COL4A2: variants seen among roughly 807,000 people sequenced by gnomAD.
The protein encoded by COL4A2 is collagen type IV alpha 2 chain, also known as collagen alpha-2(IV) chain.
COL4A2 carries 99 observed loss-of-function variants against 200.2 expected under a neutral mutation model. That is an observed-to-expected ratio of 0.49 (90% CI 0.42 to 0.58). The LOEUF (loss-of-function observed/expected upper bound fraction) is 0.58. Among genes scored for constraint, COL4A2 ranks in the 20% least tolerant of loss-of-function variants. The probability of loss-of-function intolerance (pLI) is 0.00; values close to 1 mark genes in which losing one functional copy is unlikely to be tolerated. For synonymous variants in COL4A2, 897 were observed against 900.6 expected, an observed-to-expected ratio of 1.00 and a Z score of 0.07; for missense variants, 1,950 against 2,314.1, an observed-to-expected ratio of 0.84 and a Z score of 3.23.
chr13:110,418,456 T>C (rs1412208249), intron 4 of COL4A2, among the ~76,000 whole-genome samples: 1 of 152,262 alleles, frequency 6.6e-6, no homozygotes, highest in Non-Finnish European at 1.5e-5. Context: ...GATTTTCCCC[T>C]GTGTTTTCTT....
At chr13:110,432,605 G>A (rs768198716) in intron 11 of COL4A2, among the ~76,000 whole-genome samples, 13 of 152,242 alleles carry the variant, frequency 8.5e-5, no homozygotes, top group Non-Finnish European at 1.6e-4. Flanking sequence ...CCACATGCCT[G>A]TTGGTATATG....
intron 30 of COL4A2, 60 bp from the exon 31 acceptor site, chr13:110,480,160 A>C (rs1053203203): frequency 4.9e-5 from 72 of 1,483,092 alleles, no homozygotes; most frequent in Non-Finnish European, 6.1e-5. Context: ...TAAAAGCAGA[A>C]GAGAAATTTC....
intron 18 of COL4A2, 39 bp from the exon 19 acceptor site, chr13:110,449,640 A>G (rs538713557): frequency 1.3e-6 from 2 of 1,507,462 alleles, no homozygotes; most frequent in Admixed American, 2.5e-5. Flanking sequence ...TCCGTAGACC[A>G]CGGTCTTGTT....
At chr13:110,477,596 G>A (rs1042626128) in intron 29 of COL4A2, among the ~76,000 whole-genome samples, 11 of 152,324 alleles carry the variant, frequency 7.2e-5, no homozygotes, top group Admixed American at 3.3e-4. Context: ...GGGAGGATGC[G>A]ATGGAATACA....
chr13:110,499,805 A>G (rs1883582796), intron 40 of COL4A2, among the ~76,000 whole-genome samples: 1 of 152,244 alleles, frequency 6.6e-6, no homozygotes, highest in Admixed American at 6.5e-5. Flanking sequence ...TCATCACTGC[A>G]GTTAAGTTAA....
At chr13:110,320,257 G>A (rs973958357) in intron 3 of COL4A2, among the ~76,000 whole-genome samples, 2 of 152,214 alleles carry the variant, frequency 1.3e-5, no homozygotes, top group African/African-American at 4.8e-5. Context: ...TCACCTCCGG[G>A]CACTGGGTGA....
Position 110,479,518 on chromosome 13 carries a change from A to G in COL4A2, c.2588-702A>G, listed in dbSNP as rs971035482. ...GATCCCCAAACCGGCTGGGGAAGAG[A>G]GCCTGATTTGAGGGGGCTGGGGGTT... On this transcript the variant is annotated intron_variant, in intron 30 of 47. Coordinates refer to ENST00000360467, the MANE Select transcript of COL4A2 (RefSeq NM_001846.4). Among the ~76,000 whole-genome samples the G allele has an allele frequency of 1.7e-4, 3 of 17,570 alleles. No homozygotes were observed. In the South Asian group the frequency reaches 7.2e-3, roughly 42 times the overall value. The allele number at this position is 17,570 out of a possible 152,430, so 11.5% of individuals were successfully genotyped here.
intron 4 of COL4A2, among the ~76,000 whole-genome samples, chr13:110,375,084 T>C (rs1171997891): frequency 6.6e-6 from 1 of 152,180 alleles, no homozygotes; most frequent in Non-Finnish European, 1.5e-5. Context: ...ATAAGATGTG[T>C]GGGGTTAGAG....
At chr13:110,311,788 G>A (rs1218932058) in intron 3 of COL4A2, among the ~76,000 whole-genome samples, 2 of 152,248 alleles carry the variant, frequency 1.3e-5, no homozygotes, top group Admixed American at 1.3e-4. Flanking sequence ...GGTCACCTGA[G>A]GACCTCTGGC....
At chr13:110,504,352 G>C in intron 45 of COL4A2, 88 bp downstream of exon 45, 1 of 1,169,222 alleles carries the variant, frequency 8.6e-7, no homozygotes, top group Non-Finnish European at 1.3e-6. Flanking sequence ...GGACACACGA[G>C]AGCCCAGAAA....
chr13:110,462,329 A>AT lies in COL4A2; in HGVS notation c.1722dup (p.Gly575TrpfsTer20), dbSNP rs772023099. On this transcript the variant is annotated frameshift_variant, in exon 24 of 48. Transcript: ENST00000360467. LOFTEE classifies it high-confidence loss of function. Reference sequence around the variant, plus strand: ...GGTGTGCCCGGGATGAAAGGTGACGATGGCAGCCCAGGCCGCGATGGGCTC... The same window carrying AT: ...GGTGTGCCCGGGATGAAAGGTGACGATTGGCAGCCCAGGCCGCGATGGGCTC... 2 of 1,614,002 alleles carry AT rather than the reference A, an allele frequency of 1.2e-6. No homozygotes were observed. Among genetic ancestry groups the AT allele is most frequent in the Non-Finnish European group, 1.7e-6 (2 of 1,180,046 alleles).
Position 110,307,861 on chromosome 13 carries a change from C to T in COL4A2, c.-43C>T, listed in dbSNP as rs1884833264. 4 of 1,596,408 alleles carry T rather than the reference C, an allele frequency of 2.5e-6. No individual in the cohort carries two copies. In the African/African-American group the frequency reaches 4.0e-5, roughly 16 times the overall value. On this transcript the variant is annotated splice_region_variant and 5_prime_UTR_variant, in exon 2 of 48. Transcript: ENST00000360467. The surrounding 1 kb of genome is among the most constrained non-coding windows in gnomAD (Gnocchi z 5.0). Reference sequence around the variant, plus strand: ...ACTCGCTTTGTCTGTCGCCTCTAGGCTAAGTGGGACTGACCGGGGCCCAGA... The same window carrying T: ...ACTCGCTTTGTCTGTCGCCTCTAGGTTAAGTGGGACTGACCGGGGCCCAGA...
In COL4A2 at chr13:110,429,793, CAA is replaced by C. The variant is rs1300550176; in HGVS notation, c.478-91_478-90del. On this transcript the variant is annotated intron_variant, in intron 7 of 47. Transcript: ENST00000360467. ...ACAATTAGACCTTGCCCACAAAAGT[CAA>C]TGTTCAGTCATCCACATTACCATAG... 31 of 1,294,684 alleles carry C rather than the reference CAA, an allele frequency of 2.4e-5. No homozygotes were observed. The East Asian group carries it at 6.9e-4, about 29-fold the overall frequency. 80.2% of individuals were successfully genotyped at this position (1,294,684 alleles called of 1,614,324 possible).
chr13:110,470,379 TG>T (rs1415828158), intron 28 of COL4A2, among the ~76,000 whole-genome samples: 1 of 152,134 alleles, frequency 6.6e-6, no homozygotes, highest in Non-Finnish European at 1.5e-5. Flanking sequence ...GGAACCCTCT[TG>T]TTGCTAGAAA....
At position 110,449,733 on chromosome 13, in the gene COL4A2, G is replaced by A; in HGVS notation, c.1133G>A (p.Gly378Asp). ...GCCCAAGGGGAGCCAGGAAGCCAGG[G>A]TGAGCCAGGAGACCCGGGCCTCCCA... Reference protein sequence around the residue: ...PGAQGEPGSQGEPGDPGLPGP... With the variant: ...PGAQGEPGSQDEPGDPGLPGP... Residue 378 changes from glycine to aspartate, a missense_variant, in exon 19 of 48, where the codon GGT (glycine) becomes GAT (aspartate). Transcript: ENST00000360467. 1 of 1,549,804 alleles carries A rather than the reference G, an allele frequency of 6.5e-7. No individual in the cohort carries two copies. Among genetic ancestry groups the A allele is most frequent in the Non-Finnish European group, 8.7e-7 (1 of 1,146,688 alleles).
In COL4A2 at chr13:110,317,207, C is replaced by T. The variant is rs552527751; in HGVS notation, c.99+9084C>T. Among the ~76,000 whole-genome samples the T allele has an allele frequency of 3.4e-5, 5 of 146,846 alleles. No homozygotes were observed. In the East Asian group the frequency reaches 7.2e-4, roughly 21 times the overall value. On this transcript the variant is annotated intron_variant, in intron 3 of 47. Transcript: ENST00000360467. ...ACAGAGATGCACACATAGACACACA[C>T]GTGCACCCCACACACACAGACACAC...
At chr13:110,428,812 C>G (rs1880567023) in intron 7 of COL4A2, among the ~76,000 whole-genome samples, 1 of 152,212 alleles carries the variant, frequency 6.6e-6, no homozygotes, top group African/African-American at 2.4e-5. Context: ...CTCAGTCTCC[C>G]AAGTGTCACT....
In COL4A2 at chr13:110,449,781, G is replaced by C. The variant is rs770998099; in HGVS notation, c.1181G>C (p.Gly394Ala). 5 of 1,547,870 alleles carry C rather than the reference G, an allele frequency of 3.2e-6. No homozygotes were observed. The South Asian group carries it at 6.0e-5, about 18-fold the overall frequency. ...GLPGPPGLSI[G>A]DGDQRRGLPG... ...CCAGGTCCCCCTGGCCTCTCCATCG[G>C]AGATGGAGGTAATGTGGCTTCATAA... The change falls in exon 19 of 48, where the codon GGA becomes GCA. Residue 394 changes from glycine (G) to alanine (A), a missense_variant. This residue lies in a region of COL4A2 where 565 missense variants were observed against 593.5 expected (regional missense o/e 0.95). Coordinates refer to ENST00000360467, the MANE Select transcript of COL4A2 (RefSeq NM_001846.4).
At chr13:110,382,333 G>C (rs548330626) in intron 4 of COL4A2, among the ~76,000 whole-genome samples, 9 of 152,098 alleles carry the variant, frequency 5.9e-5, no homozygotes, top group Non-Finnish European at 1.2e-4. Flanking sequence ...AAAAGACTTA[G>C]GGGAAAAAAC....
Sources: gnomAD v4.1 joint callset for allele counts (sites outside exome capture counted in the v4.1 genomes callset) on GRCh38, gnomAD v4.1.1 for gene constraint, gnomAD v4.1.1 regional missense constraint, Gnocchi (gnomAD v3.1) non-coding constraint, MANE v1.5 for transcripts, NCBI Gene and HGNC (gene_info 2026-07-23, HGNC 2026-07-21) for gene names.